GRM7: variants seen among roughly 807,000 people sequenced by gnomAD.
GRM7 encodes the protein glutamate metabotropic receptor 7.
A neutral mutation model predicts 84.5 loss-of-function variants in GRM7; 35 were observed. The ratio of observed to expected loss-of-function variants is 0.41; its 90% CI spans 0.32 to 0.55. The LOEUF (loss-of-function observed/expected upper bound fraction) is 0.55. Among genes scored for constraint, GRM7 ranks in the 20% least tolerant of loss-of-function variants. GRM7 has a pLI of 0.19. For missense variants in GRM7, 1,003 were observed against 1,194.6 expected (o/e 0.84, Z 2.36); for synonymous variants, 487 against 455.1 (o/e 1.07, Z -0.89).
intron 2 of GRM7, among the ~76,000 whole-genome samples, chr3:7,297,531 CA>C (rs1023790883): frequency 6.6e-6 from 1 of 152,098 alleles, no homozygotes; most frequent in Non-Finnish European, 1.5e-5. Flanking sequence ...AGAAGGACCA[CA>C]GGTGATTTCA....
At chr3:7,440,123 G>C (rs1205136043) in intron 5 of GRM7, among the ~76,000 whole-genome samples, 1 of 152,308 alleles carries the variant, frequency 6.6e-6, no homozygotes, top group South Asian at 2.1e-4. Context: ...CAGGATCAGA[G>C]AGGCTTGTCC....
intron 8 of GRM7, among the ~76,000 whole-genome samples, chr3:7,650,913 G>C (rs1170305726): frequency 3.3e-5 from 5 of 152,092 alleles, no homozygotes; most frequent in African/African-American, 1.2e-4. Context: ...AGAGTCAGAG[G>C]GTTCTTAAAA....
At chr3:7,625,133 T>C (rs17047745) in intron 8 of GRM7, among the ~76,000 whole-genome samples, 3,758 of 152,244 alleles carry the variant, frequency 0.025, 188 homozygotes, top group African/African-American at 0.085. Context: ...TGTATCACAA[T>C]TGGCCCCTTA....
At chr3:7,732,175 T>G (rs771906952) in intron 9 of GRM7, among the ~76,000 whole-genome samples, 1 of 152,108 alleles carries the variant, frequency 6.6e-6, no homozygotes, top group Non-Finnish European at 1.5e-5. Flanking sequence ...CCTCCCGTAT[T>G]AAGCTCTTTC....
chr3:7,160,789 T>C (rs1005659823), intron 2 of GRM7, among the ~76,000 whole-genome samples: 1 of 152,274 alleles, frequency 6.6e-6, no homozygotes, highest in Admixed American at 6.5e-5. Flanking sequence ...CCTGGTTATA[T>C]GTTCCCATAG....
intron 1 of GRM7, among the ~76,000 whole-genome samples, chr3:7,042,847 T>A (rs1696678726): frequency 1.3e-5 from 2 of 152,226 alleles, no homozygotes; most frequent in Non-Finnish European, 2.9e-5. Flanking sequence ...AATTTTTGAT[T>A]GTTGAGCATT....
At chr3:7,219,978 A>G (rs767083027) in intron 2 of GRM7, among the ~76,000 whole-genome samples, 1 of 152,244 alleles carries the variant, frequency 6.6e-6, no homozygotes, top group Admixed American at 6.5e-5. Flanking sequence ...TCCAAAGCAG[A>G]ACTGATCTAA....
chr3:7,605,858 A>G (rs1209146284), intron 8 of GRM7, among the ~76,000 whole-genome samples: 1 of 152,218 alleles, frequency 6.6e-6, no homozygotes, highest in African/African-American at 2.4e-5. Context: ...CATCACAGCT[A>G]CTGAACTTTG....
intron 9 of GRM7, among the ~76,000 whole-genome samples, chr3:7,712,393 T>C (rs894883157): frequency 9.2e-5 from 14 of 152,082 alleles, no homozygotes; most frequent in Non-Finnish European, 1.6e-4. Flanking sequence ...CAAAGGCCTA[T>C]TGTGGAAAGA....
intron 1 of GRM7, among the ~76,000 whole-genome samples, chr3:7,004,034 G>C (rs894808145): frequency 1.3e-5 from 2 of 152,156 alleles, no homozygotes; most frequent in African/African-American, 4.8e-5. Flanking sequence ...AGGGAAGCTT[G>C]AGTGTTTTTG....
At chr3:7,411,023 A>C (rs1695914213) in intron 4 of GRM7, among the ~76,000 whole-genome samples, 1 of 152,002 alleles carries the variant, frequency 6.6e-6, no homozygotes, top group South Asian at 2.1e-4. Flanking sequence ...TGCTGGTTCC[A>C]AGCATTCCTA....
intron 7 of GRM7, among the ~76,000 whole-genome samples, chr3:7,547,452 C>T (rs574501316): frequency 2.6e-4 from 39 of 152,002 alleles, no homozygotes; most frequent in African/African-American, 8.4e-4. Context: ...GTGATCTGCC[C>T]GCCTCGGCCT....
chr3:7,288,355 T>G (rs1365667063), intron 2 of GRM7, among the ~76,000 whole-genome samples: 1 of 152,152 alleles, frequency 6.6e-6, no homozygotes, highest in Admixed American at 6.6e-5. Flanking sequence ...TCTGTTTTAT[T>G]GACTCATTGA....
At chr3:7,163,271 C>T (rs957907289) in intron 2 of GRM7, among the ~76,000 whole-genome samples, 1 of 152,182 alleles carries the variant, frequency 6.6e-6, no homozygotes, top group Non-Finnish European at 1.5e-5. Context: ...GAAGAGGTAG[C>T]TAGACAGGGC....
Position 7,567,747 on chromosome 3 carries a change from C to CAAAAAAAAAA in GRM7, c.1516-10646_1516-10637dup, listed in dbSNP as rs1176146756. 4.6e-4 allele frequency among the ~76,000 whole-genome samples: 21 copies of CAAAAAAAAAA among 45,826 alleles called. 1 individual carries two copies. Among genetic ancestry groups the CAAAAAAAAAA allele is most frequent in the Non-Finnish European group, 7.5e-4 (19 of 25,178 alleles). 30.1% of individuals were successfully genotyped at this position (45,826 alleles called of 152,430 possible). On this transcript the variant is annotated intron_variant, in intron 7 of 9. Coordinates refer to ENST00000357716, the MANE Select transcript of GRM7 (RefSeq NM_000844.4). Reference sequence around the variant, plus strand: ...TGGGTGACAGAGTGAGACTCCATCTCAAAAAAAAAAAAAAAAAAAAAAAAA... The same window carrying CAAAAAAAAAA: ...TGGGTGACAGAGTGAGACTCCATCTCAAAAAAAAAAAAAAAAAAAAAAAAAAAAAAAAAAA...
chr3:7,239,989 A>C (rs1368322616), intron 2 of GRM7, among the ~76,000 whole-genome samples: 2 of 152,128 alleles, frequency 1.3e-5, no homozygotes, highest in African/African-American at 2.4e-5. Context: ...AAAGGACTCT[A>C]TCGTTTTATC....
chr3:7,084,586 G>C (rs140915544), intron 1 of GRM7, among the ~76,000 whole-genome samples: 2 of 152,128 alleles, frequency 1.3e-5, no homozygotes, highest in African/African-American at 2.4e-5. Flanking sequence ...GCTGTGTGCT[G>C]AGAGAAGATC....
At chr3:7,732,497 C>A (rs1302697313) in intron 9 of GRM7, among the ~76,000 whole-genome samples, 1 of 151,996 alleles carries the variant, frequency 6.6e-6, no homozygotes, top group African/African-American at 2.4e-5. Flanking sequence ...TGACTAGAAA[C>A]TAAAACCAAC....
chr3:7,363,896 A>G (rs190025474), intron 4 of GRM7, among the ~76,000 whole-genome samples: 15 of 152,022 alleles, frequency 9.9e-5, no homozygotes, highest in Admixed American at 2.0e-4. Context: ...TTGTTATTCT[A>G]ATTTTCTCTT....
Sources: allele counts gnomAD v4.1 joint callset (sites outside exome capture counted in the v4.1 genomes callset), GRCh38; gene constraint gnomAD v4.1.1; transcripts MANE v1.5; gene names NCBI Gene and HGNC (gene_info 2026-07-23, HGNC 2026-07-21).